ACTR8: variants seen among roughly 807,000 people sequenced by gnomAD.
ACTR8 encodes actin related protein 8, also known as actin-related protein 8.
A neutral mutation model predicts 84.3 loss-of-function variants in ACTR8; 70 were observed. That is an observed-to-expected ratio of 0.83 (90% CI 0.68 to 1.01). The LOEUF (loss-of-function observed/expected upper bound fraction) is 1.01, where lower values mean the gene tolerates loss of function less well. ACTR8 is among the 50% of genes least tolerant of loss of function. ACTR8 has a pLI of 0.00. For synonymous variants in ACTR8, 268 were observed against 275.2 expected (o/e 0.97, Z 0.26); for missense variants, 672 against 775.4 (o/e 0.87, Z 1.58).
chr3:53,876,602 C>G lies in ACTR8; in HGVS notation c.778+18G>C. ...AAAATTCCATTTAAAATAGGTTTCA[C>G]TGGGATATCAGACATACCTGAAAAA... On this transcript the variant is annotated intron_variant, in intron 6 of 12. Transcript: ENST00000335754. The G allele has an allele frequency of 7.2e-7, 1 of 1,380,714 alleles. No individual in the cohort carries two copies. Among genetic ancestry groups the G allele is most frequent in the Non-Finnish European group, 1.0e-6 (1 of 982,242 alleles). The allele number at this position is 1,380,714 out of a possible 1,614,324, so 85.5% of individuals were successfully genotyped here. A position where few individuals can be genotyped will look rare whatever the true frequency, so the allele number is the denominator to read the frequency against.
In ACTR8 at chr3:53,874,236, T is replaced by G. The variant is rs376401536; in HGVS notation, c.1040A>C (p.Lys347Thr). Residue 347 changes from lysine to threonine, a missense_variant, in exon 8 of 13, where the codon AAA (lysine) becomes ACA (threonine). Lys to Thr is a moderately conservative substitution (Grantham distance 78, BLOSUM62 -1). Coordinates refer to ENST00000335754, the MANE Select transcript of ACTR8 (RefSeq NM_022899.5). ...CTGATCTAAATGACAAAAAGTTTCT[T>G]TAAGGTGTTGCAGAAGAAGACAATC... ...KMDCLLLQHL[K>T]ETFCHLDQDI... is the part of the protein sequence containing the mutation. The G allele has an allele frequency of 1.9e-6, 3 of 1,613,928 alleles. No individual in the cohort carries two copies. Among genetic ancestry groups the G allele is most frequent in the Non-Finnish European group, 2.5e-6 (3 of 1,179,948 alleles).
rs1173843744 is a variant in ACTR8 at position 53,867,878 on chromosome 3, G to GTTT, written c.*840_*841insAAA. The GTTT allele has an allele frequency of 2.6e-5, 4 of 152,054 alleles. No individual in the cohort carries two copies. Among genetic ancestry groups the GTTT allele is most frequent in the Non-Finnish European group, 4.4e-5 (3 of 68,030 alleles). 9.4% of individuals were successfully genotyped at this position (152,054 alleles called of 1,614,324 possible). ...CAAAAGCTTTCACTTAATCCTTCAG[G>GTTT]TAAAGGAAAATTGAGGCTTGATGAC... On this transcript the variant is annotated 3_prime_UTR_variant, in exon 13 of 13. Transcript: ENST00000335754.
downstream of ACTR8, chr3:53,865,464 A>G: frequency 1.7e-6 from 1 of 574,654 alleles, no homozygotes; most frequent in Non-Finnish European, 3.0e-6. Flanking sequence ...TTGCTAACTA[A>G]TGTAGCATTA....
chr3:53,876,872 GA>G (rs5849013), intron 5 of ACTR8, among the ~76,000 whole-genome samples, 159 bp from the exon 6 acceptor site: 82,060 of 146,074 alleles, frequency 0.56, 23,681 homozygotes, highest in East Asian at 0.95. Flanking sequence ...GTTTTATAAG[GA>G]AAAAAAAAAT....
the ACTR8 span, chr3:53,861,137 C>T: frequency 1.3e-5 from 2 of 152,146 alleles, no homozygotes; most frequent in Non-Finnish European, 2.9e-5. Flanking sequence ...CAGTAAATTA[C>T]ATATCACAGT....
At position 53,870,237 on chromosome 3, in the gene ACTR8, T is replaced by C. The variant is rs1699862844; in HGVS notation, c.1568-92A>G. ...ACACCTCTTGCTTGAGCAAGTGCAATAGCCTTCTCAAAGATTTCCCTCCAG... is the reference window on the plus strand; with the variant it reads ...ACACCTCTTGCTTGAGCAAGTGCAACAGCCTTCTCAAAGATTTCCCTCCAG... On this transcript the variant is annotated intron_variant, in intron 11 of 12. Coordinates refer to ENST00000335754, the MANE Select transcript of ACTR8 (RefSeq NM_022899.5). The surrounding 1 kb of genome is among the most constrained non-coding windows in gnomAD (Gnocchi z 4.1). The C allele has an allele frequency of 2.1e-6, 3 of 1,437,640 alleles. No homozygotes were observed. Among genetic ancestry groups the C allele is most frequent in the Admixed American group, 4.0e-5 (2 of 49,572 alleles). The allele number at this position is 1,437,640 out of a possible 1,614,324, so 89.1% of individuals were successfully genotyped here.
At position 53,877,253 on chromosome 3, in the gene ACTR8, C is replaced by A. The variant is rs750074267; in HGVS notation, c.645G>T (p.Ala215=). The A allele has an allele frequency of 1.2e-6, 2 of 1,606,046 alleles. No homozygotes were observed. The highest frequency in any genetic ancestry group is 3.5e-5 in the Admixed American group (2 of 57,820). Residue 215 remains alanine (A), a synonymous_variant, in exon 5 of 13, where the codon GCG becomes GCT. Coordinates refer to ENST00000335754, the MANE Select transcript of ACTR8 (RefSeq NM_022899.5). The part of the protein sequence containing the change: ...LADIEVIWSH[A]IQKYLEIPLK... ...GTGGGATTTCCAAGTATTTTTGTAT[C>A]GCATGAGACCATATTACTTCAATAT...
At chr3:53,875,923 G>A in intron 7 of ACTR8, 25 bp downstream of exon 7, 2 of 1,613,822 alleles carry the variant, frequency 1.2e-6, no homozygotes, top group Non-Finnish European at 1.7e-6. Flanking sequence ...AGGAAACAGG[G>A]AATGCCACCT....
the ACTR8 span, chr3:53,859,350 T>C: frequency 6.6e-6 from 1 of 152,566 alleles, no homozygotes; most frequent in African/African-American, 2.4e-5. Context: ...GATGGAGAAA[T>C]ACAATGTTTA....
chr3:53,865,348 C>G (rs1043265), downstream of ACTR8: 35 of 1,493,950 alleles, frequency 2.3e-5, no homozygotes, highest in Non-Finnish European at 2.8e-5. Context: ...GGCTTCCTAT[C>G]CCACCAATTA....
At position 53,874,312 on chromosome 3, in the gene ACTR8, T is replaced by A; in HGVS notation, c.964A>T (p.Met322Leu). The A allele has an allele frequency of 6.2e-7, 1 of 1,614,196 alleles. No homozygotes were observed. The highest frequency in any genetic ancestry group is 8.5e-7 in the Non-Finnish European group (1 of 1,180,022). The stretch of plus-strand genomic sequence containing the variant: ...CTGTAAGGGAACCCAGCTCGCTGCA[T>A]TAGCCAGTAAAAACATCTTGACACA... Reference protein sequence around the residue: ...SDVSRCFYWLMQRAGFPYREC... With the variant: ...SDVSRCFYWLLQRAGFPYREC... The change falls in exon 8 of 13, where the codon ATG becomes TTG. Residue 322 changes from methionine to leucine, a missense_variant. Transcript: ENST00000335754.
chr3:53,873,893 C>T lies in ACTR8; in HGVS notation c.1065+318G>A, dbSNP rs537321510. ...AGGCTGGAGTGCAGTGGTGCAATCT[C>T]GGCTCACTGCAAGCTCCACCTTCCA... On this transcript the variant is annotated intron_variant, in intron 8 of 12. Coordinates refer to ENST00000335754, the MANE Select transcript of ACTR8 (RefSeq NM_022899.5). 3.9e-5 allele frequency among the ~76,000 whole-genome samples: 6 copies of T among 152,264 alleles called. No individual in the cohort carries two copies. In the East Asian group the frequency reaches 5.8e-4, roughly 15 times the overall value.
intron 8 of ACTR8, among the ~76,000 whole-genome samples, chr3:53,873,784 G>A (rs913086030): frequency 1.3e-5 from 2 of 151,956 alleles, no homozygotes; most frequent in African/African-American, 4.8e-5. Flanking sequence ...GCTTTATCGT[G>A]GGTTGAAAAA....
At position 53,876,082 on chromosome 3, in the gene ACTR8, TG is replaced by T. The variant is rs74580677; in HGVS notation, c.779-3del. 19 of 1,578,954 alleles carry T rather than the reference TG, an allele frequency of 1.2e-5. No individual in the cohort carries two copies. The highest frequency in any genetic ancestry group is 1.5e-5 in the Non-Finnish European group (17 of 1,159,380). On this transcript the variant is annotated splice_region_variant and splice_polypyrimidine_tract_variant and intron_variant, in intron 6 of 12. Transcript: ENST00000335754. Reference sequence around the variant, plus strand: ...CAGACTCCTGATGGACCACAATCCCTGGGGGGGGAAAAGAAAAGGCAGAGTA... The same window carrying T: ...CAGACTCCTGATGGACCACAATCCCTGGGGGGGAAAAGAAAAGGCAGAGTA...
In ACTR8 at chr3:53,869,986, G is replaced by C; in HGVS notation, c.1727C>G (p.Pro576Arg). The C allele has an allele frequency of 6.2e-7, 1 of 1,614,096 alleles. No homozygotes were observed. The highest frequency in any genetic ancestry group is 8.5e-7 in the Non-Finnish European group (1 of 1,179,990). ...TTGCACAATGAAACAACCTACCTTAGGCCTTGTGATCACATCCACATTTTC... is the reference window on the plus strand; with the variant it reads ...TTGCACAATGAAACAACCTACCTTACGCCTTGTGATCACATCCACATTTTC... ...IIENVDVITR[P>R]KDMDPRLIAW... The change falls in exon 12 of 13, where the codon CCT becomes CGT. Residue 576 changes from proline (P) to arginine (R), a missense_variant. Transcript: ENST00000335754.
intron 5 of ACTR8, among the ~76,000 whole-genome samples, chr3:53,877,013 C>A (rs1699984344): frequency 1.3e-5 from 2 of 150,948 alleles, no homozygotes; most frequent in South Asian, 4.2e-4. Context: ...AATAGAGACA[C>A]CAAAGAAACA....
intron 7 of ACTR8, among the ~76,000 whole-genome samples, chr3:53,875,675 T>A (rs1248196979): frequency 6.6e-6 from 1 of 152,230 alleles, no homozygotes; most frequent in Admixed American, 6.5e-5. Flanking sequence ...ACTGTTTACG[T>A]TTCCCCTATG....
rs965905109 is a variant in ACTR8 at position 53,882,078 on chromosome 3, A to G, written c.24T>C (p.Asp8=). The change falls in exon 1 of 13, where the codon GAT becomes GAC. Residue 8 remains aspartate, a synonymous_variant. Transcript: ENST00000335754. ...CGCCCTTCTCCTTTCCGTTCTCCGT[A>G]TCACCCTTCTCAGCCTGGGTCATTA... is the stretch of plus-strand genomic sequence containing the variant. MTQAEKG[D]TENGKEKGGE... is the part of the protein sequence containing the mutation. 1.3e-5 allele frequency: 20 copies of G among 1,551,532 alleles called. No homozygotes were observed. The highest frequency in any genetic ancestry group is 1.6e-5 in the Non-Finnish European group (18 of 1,146,842).
At chr3:53,879,082 A>G (rs1700020993) in intron 2 of ACTR8, among the ~76,000 whole-genome samples, 1 of 152,216 alleles carries the variant, frequency 6.6e-6, no homozygotes, top group African/African-American at 2.4e-5. Flanking sequence ...CTTTTTGGTT[A>G]AGCCATAAAC....
Sources: gnomAD v4.1 joint callset for allele counts (sites outside exome capture counted in the v4.1 genomes callset) on GRCh38, gnomAD v4.1.1 for gene constraint, Gnocchi (gnomAD v3.1) non-coding constraint, MANE v1.5 for transcripts, NCBI Gene and HGNC (gene_info 2026-07-23, HGNC 2026-07-21) for gene names.